RAB27B: variants seen among roughly 807,000 people sequenced by gnomAD.
RAB27B encodes the protein ras-related protein Rab-27B.
In RAB27B, 15 loss-of-function variants were observed where a neutral mutation model predicts 24.6. That is an observed-to-expected ratio of 0.61 (90% CI 0.41 to 0.94). RAB27B has a LOEUF of 0.94. RAB27B is among the 40% of genes least tolerant of loss of function. The pLI, the probability that RAB27B is intolerant of heterozygous loss-of-function variation, is 0.00. For synonymous variants in RAB27B, 105 were observed against 92.5 expected, an observed-to-expected ratio of 1.14 and a Z score of -0.78; for missense variants, 261 against 266.8, an observed-to-expected ratio of 0.98 and a Z score of 0.15.
intron 2 of RAB27B, among the ~76,000 whole-genome samples, chr18:54,736,531 G>C (rs748322322): frequency 6.6e-6 from 1 of 151,916 alleles, no homozygotes; most frequent in African/African-American, 2.4e-5. Context: ...ATAGAAACAG[G>C]GTCTTCCCAT....
chr18:54,804,305 C>T (rs1169860831), intron 2 of RAB27B, among the ~76,000 whole-genome samples: 2 of 152,174 alleles, frequency 1.3e-5, no homozygotes, highest in Non-Finnish European at 2.9e-5. Context: ...AGAATTCCCA[C>T]ATGTTGGTCA....
At chr18:54,868,381 C>T (rs1912326302) in intron 1 of RAB27B, among the ~76,000 whole-genome samples, 1 of 152,090 alleles carries the variant, frequency 6.6e-6, no homozygotes, top group South Asian at 2.1e-4. Flanking sequence ...TCCCCAGAAG[C>T]CAAACAAATG....
intron 1 of RAB27B, among the ~76,000 whole-genome samples, chr18:54,831,565 C>T (rs945472643): frequency 2.6e-5 from 4 of 152,108 alleles, no homozygotes; most frequent in South Asian, 2.1e-4. Context: ...CTGTGGATAA[C>T]AGATGTTAGT....
Position 54,891,615 on chromosome 18 carries a change from T to G in RAB27B, c.*2202T>G, listed in dbSNP as rs1913373172. 1 of 152,142 alleles carries G rather than the reference T, an allele frequency of 6.6e-6. No homozygotes were observed. The highest frequency in any genetic ancestry group is 6.6e-5 in the Admixed American group (1 of 15,246). The allele number at this position is 152,142 out of a possible 1,614,324, so 9.4% of individuals were successfully genotyped here. ...CCCTGCATTTCCTTAATAGGGAATG[T>G]GAAACCTTTATAAAACTCTAAAAGT... On this transcript the variant is annotated 3_prime_UTR_variant, in exon 6 of 6. Transcript: ENST00000262094.
intron 1 of RAB27B, among the ~76,000 whole-genome samples, chr18:54,869,990 A>G (rs1217165889): frequency 6.6e-6 from 1 of 152,194 alleles, no homozygotes; most frequent in African/African-American, 2.4e-5. Flanking sequence ...AGTCCCAGAC[A>G]AAATCACCAG....
chr18:54,802,973 G>GTATT (rs925191845), intron 2 of RAB27B, among the ~76,000 whole-genome samples: 87 of 152,232 alleles, frequency 5.7e-4, no homozygotes, highest in African/African-American at 1.9e-3. Flanking sequence ...ATTTAAAGTA[G>GTATT]TATTTATTTA....
At chr18:54,796,373 A>G (rs1462541215) in intron 2 of RAB27B, among the ~76,000 whole-genome samples, 1 of 152,252 alleles carries the variant, frequency 6.6e-6, no homozygotes, top group Non-Finnish European at 1.5e-5. Context: ...GCAGAGGACC[A>G]GTATGACAGC....
At chr18:54,843,339 G>A (rs910442627) in intron 1 of RAB27B, among the ~76,000 whole-genome samples, 7 of 131,994 alleles carry the variant, frequency 5.3e-5, no homozygotes, top group Admixed American at 8.8e-5. Context: ...ATACCTATAA[G>A]TTTAGATTTT....
At chr18:54,727,658 A>G (rs1390769944) in intron 2 of RAB27B, among the ~76,000 whole-genome samples, 4 of 152,334 alleles carry the variant, frequency 2.6e-5, no homozygotes, top group Non-Finnish European at 4.4e-5. Flanking sequence ...ATTGTTTTAA[A>G]CAAATTTAGA....
chr18:54,726,448 T>G (rs1212043442), intron 2 of RAB27B, among the ~76,000 whole-genome samples: 1 of 151,584 alleles, frequency 6.6e-6, no homozygotes, highest in African/African-American at 2.4e-5. Context: ...GCCTGCCTTT[T>G]AAACTAGCCT....
chr18:54,720,916 A>G (rs564617248), intron 2 of RAB27B, among the ~76,000 whole-genome samples: 30 of 152,224 alleles, frequency 2.0e-4, no homozygotes, highest in Middle Eastern at 6.8e-3. Context: ...AGATTTTCCC[A>G]TTATGATTTC....
At chr18:54,792,959 G>A (rs1401899437) in intron 2 of RAB27B, among the ~76,000 whole-genome samples, 1 of 152,140 alleles carries the variant, frequency 6.6e-6, no homozygotes, top group Non-Finnish European at 1.5e-5. Context: ...GGCAGAGCTG[G>A]AGTATAGAAG....
intron 2 of RAB27B, among the ~76,000 whole-genome samples, chr18:54,795,678 TAAAAC>T (rs761990218): frequency 5.8e-4 from 89 of 152,228 alleles, no homozygotes; most frequent in Non-Finnish European, 7.9e-4. Context: ...GAAACTCAGA[TAAAAC>T]AAACTTAAGT....
chr18:54,889,473 A>G lies in RAB27B; in HGVS notation c.*60A>G. On this transcript the variant is annotated 3_prime_UTR_variant, in exon 6 of 6. Coordinates refer to ENST00000262094, the MANE Select transcript of RAB27B (RefSeq NM_004163.4). Reference sequence around the variant, plus strand: ...CAAAATATTACTTTTAAAAACAATGACAAACCACACAATTGTTGTTGAGTA... The same window carrying G: ...CAAAATATTACTTTTAAAAACAATGGCAAACCACACAATTGTTGTTGAGTA... 7.0e-7 allele frequency: 1 copy of G among 1,428,200 alleles called. No individual in the cohort carries two copies. The highest frequency in any genetic ancestry group is 9.4e-7 in the Non-Finnish European group (1 of 1,061,240). 88.5% of individuals were successfully genotyped at this position (1,428,200 alleles called of 1,614,324 possible).
intron 1 of RAB27B, among the ~76,000 whole-genome samples, chr18:54,853,021 T>C (rs1182125044): frequency 2.0e-5 from 3 of 152,208 alleles, no homozygotes; most frequent in Non-Finnish European, 2.9e-5. Flanking sequence ...ATTTGAGGCA[T>C]AGGTTCAGGG....
intron 1 of RAB27B, among the ~76,000 whole-genome samples, chr18:54,860,170 G>T (rs1395767799): frequency 6.6e-6 from 1 of 152,136 alleles, no homozygotes; most frequent in Non-Finnish European, 1.5e-5. Flanking sequence ...AAGGCAGGGA[G>T]CCAGGTATGT....
Position 54,878,760 on chromosome 18 carries a change from T to TAA in RAB27B, c.154-603_154-602dup, listed in dbSNP as rs56249324. Among the ~76,000 whole-genome samples, 11 of 151,950 alleles carry TAA rather than the reference T, an allele frequency of 7.2e-5. No homozygotes were observed. The East Asian group carries it at 1.4e-3, about 19-fold the overall frequency. ...AACAATAAAAAGGCCAGAATTTTTT[T>TAA]AAAAAAATTAAACTTACCTAAAAAG... On this transcript the variant is annotated intron_variant, in intron 2 of 5. Transcript: ENST00000262094.
At chr18:54,799,699 G>C (rs1368770345) in intron 2 of RAB27B, among the ~76,000 whole-genome samples, 1 of 134,418 alleles carries the variant, frequency 7.4e-6, no homozygotes, top group Admixed American at 9.0e-5. Flanking sequence ...GCGTGATCTC[G>C]GCTCACTGCA....
intron 2 of RAB27B, among the ~76,000 whole-genome samples, chr18:54,763,319 ATTTAT>A (rs1908253109): frequency 6.6e-6 from 1 of 152,006 alleles, no homozygotes; most frequent in South Asian, 2.1e-4. Context: ...TTATTTATTT[ATTTAT>A]TTATTTATTT....
Sources: gnomAD v4.1 joint callset for allele counts (sites outside exome capture counted in the v4.1 genomes callset) on GRCh38, gnomAD v4.1.1 for gene constraint, MANE v1.5 for transcripts, NCBI Gene and HGNC (gene_info 2026-07-23, HGNC 2026-07-21) for gene names.